IGSF10: variants seen among roughly 807,000 people sequenced by gnomAD.
IGSF10 encodes immunoglobulin superfamily member 10.
Under a neutral mutation model 128.2 loss-of-function variants are expected in IGSF10, and 126 were observed. That is an observed-to-expected ratio of 0.98 (90% CI 0.85 to 1.14). The LOEUF (loss-of-function observed/expected upper bound fraction) is 1.14, where lower values mean the gene tolerates loss of function less well. Among genes scored for constraint, IGSF10 ranks in the 50% most tolerant of loss-of-function variants. The probability of loss-of-function intolerance (pLI) is 0.00; values close to 1 mark genes in which losing one functional copy is unlikely to be tolerated. For synonymous variants in IGSF10, 1,185 were observed against 1,146.2 expected (o/e 1.03, Z -0.68); for missense variants, 3,295 against 3,149.8 (o/e 1.05, Z -1.10).
rs747210840 is a variant in IGSF10, at chr3:151,444,911, T to A, written c.5062+8A>T. 7.0e-6 allele frequency: 11 copies of A among 1,560,372 alleles called. No individual in the cohort carries two copies. In the Admixed American group the frequency reaches 2.1e-4, roughly 30 times the overall value. On this transcript the variant is annotated splice_region_variant and intron_variant, in intron 6 of 7. Coordinates refer to ENST00000282466, the MANE Select transcript of IGSF10 (RefSeq NM_178822.5). Reference sequence around the variant, plus strand: ...AAAAACTAAGTGTAAAGAAAAAGTTTCACATACCTGATGGGACTCTGGTCC... The same window carrying A: ...AAAAACTAAGTGTAAAGAAAAAGTTACACATACCTGATGGGACTCTGGTCC...
chr3:151,489,215 T>G, the IGSF10 span, among the ~76,000 whole-genome samples: 1 of 151,938 alleles, frequency 6.6e-6, no homozygotes, highest in Non-Finnish European at 1.5e-5. Context: ...CCAACAAATA[T>G]ATGAAAAAAA....
At chr3:151,583,186 T>A in the IGSF10 span, among the ~76,000 whole-genome samples, 159 of 152,110 alleles carry the variant, frequency 1.0e-3, no homozygotes, top group African/African-American at 3.7e-3. Flanking sequence ...TTCTCTTTAT[T>A]ATTTGTTCTT....
the IGSF10 span, among the ~76,000 whole-genome samples, chr3:151,494,302 A>G: frequency 6.6e-6 from 1 of 152,056 alleles, no homozygotes; most frequent in Non-Finnish European, 1.5e-5. Context: ...ATTTTTCAAC[A>G]TCTTCTAAAT....
At chr3:151,548,167 T>C in the IGSF10 span, among the ~76,000 whole-genome samples, 2 of 152,204 alleles carry the variant, frequency 1.3e-5, no homozygotes, top group East Asian at 1.9e-4. Flanking sequence ...GCCTTGTTCA[T>C]GGGGACACTT....
At chr3:151,553,488 A>G in the IGSF10 span, among the ~76,000 whole-genome samples, 3 of 152,088 alleles carry the variant, frequency 2.0e-5, no homozygotes, top group Admixed American at 6.6e-5. Flanking sequence ...GTTTCATACC[A>G]TGTTAAAACA....
the IGSF10 span, among the ~76,000 whole-genome samples, chr3:151,499,176 C>T: frequency 3.9e-5 from 6 of 152,014 alleles, no homozygotes; most frequent in African/African-American, 9.7e-5. Context: ...TTAATCTTGT[C>T]GAGAGCATTG....
the IGSF10 span, among the ~76,000 whole-genome samples, chr3:151,482,776 G>C: frequency 6.6e-6 from 1 of 152,002 alleles, no homozygotes; most frequent in African/African-American, 2.4e-5. Context: ...AAGACAAAAA[G>C]AATTCTAAAA....
the IGSF10 span, among the ~76,000 whole-genome samples, chr3:151,497,802 T>C: frequency 5.3e-5 from 8 of 152,126 alleles, no homozygotes; most frequent in Non-Finnish European, 1.2e-4. Flanking sequence ...ACTCTTCCTA[T>C]CCATGAGCAT....
At chr3:151,557,180 G>T in the IGSF10 span, among the ~76,000 whole-genome samples, 1 of 152,134 alleles carries the variant, frequency 6.6e-6, no homozygotes, top group South Asian at 2.1e-4. Context: ...ACTTGTGCAT[G>T]GGAGTCACAC....
In IGSF10 at chr3:151,436,409, A is replaced by ATTTGT. The variant is rs368968586; in HGVS notation, c.*275_*279dup. On this transcript the variant is annotated 3_prime_UTR_variant, in exon 8 of 8. Coordinates refer to ENST00000282466, the MANE Select transcript of IGSF10 (RefSeq NM_178822.5). ...ACTGAAAAATTCAGGTACATTAGCCATTTGTTATTTTATAGTGAACCGTTT... is the reference window on the plus strand; with the variant it reads ...ACTGAAAAATTCAGGTACATTAGCCATTTGTTTTGTTATTTTATAGTGAACCGTTT... The ATTTGT allele has an allele frequency of 1.1e-5, 3 of 262,444 alleles. No individual in the cohort carries two copies. The highest frequency in any genetic ancestry group is 2.9e-3 in the Middle Eastern group (2 of 698). 16.3% of individuals were successfully genotyped at this position (262,444 alleles called of 1,614,324 possible).
At chr3:151,451,487 A>G (rs957423778) in intron 5 of IGSF10, among the ~76,000 whole-genome samples, 10 of 152,228 alleles carry the variant, frequency 6.6e-5, no homozygotes, top group Admixed American at 1.3e-4. Context: ...AGGAAAGATC[A>G]GCAGAAGGAA....
At chr3:151,524,655 A>G in the IGSF10 span, among the ~76,000 whole-genome samples, 2 of 152,268 alleles carry the variant, frequency 1.3e-5, no homozygotes, top group South Asian at 4.1e-4. Context: ...GAGGGAGAGG[A>G]ACAGAGAAGA....
At chr3:151,547,414 A>G in the IGSF10 span, among the ~76,000 whole-genome samples, 1 of 98,774 alleles carries the variant, frequency 1.0e-5, no homozygotes, top group African/African-American at 4.4e-5. Flanking sequence ...TCCATATATT[A>G]TATAAATATA....
the IGSF10 span, among the ~76,000 whole-genome samples, chr3:151,575,329 A>G: frequency 0.058 from 8,826 of 152,208 alleles, 518 homozygotes; most frequent in African/African-American, 0.15. Flanking sequence ...TGCCCCTAGA[A>G]GTGGAGTCTA....
the IGSF10 span, among the ~76,000 whole-genome samples, chr3:151,536,222 G>T: frequency 5.3e-5 from 8 of 152,156 alleles, no homozygotes; most frequent in Non-Finnish European, 8.8e-5. Context: ...TCAAAGTCTG[G>T]ATACTTCAAG....
chr3:151,595,010 A>G, the IGSF10 span, among the ~76,000 whole-genome samples: 14 of 152,216 alleles, frequency 9.2e-5, no homozygotes, highest in Non-Finnish European at 1.2e-4. Flanking sequence ...GGTATATGAA[A>G]ATGTACTCAA....
In IGSF10 at chr3:151,438,280, C is replaced by G; in HGVS notation, c.6281G>C (p.Arg2094Thr). The change falls in exon 8 of 8, where the codon AGG becomes ACG. Residue 2094 changes from arginine to threonine, a missense_variant. Arg to Thr is a moderately conservative substitution (Grantham distance 71). Transcript: ENST00000282466. ...TCCATTGTTGAAAAGGGTATATCTCCTAGTCCTGTGGCCACTGTCATCGGC... is the reference window on the plus strand; with the variant it reads ...TCCATTGTTGAAAAGGGTATATCTCGTAGTCCTGTGGCCACTGTCATCGGC... ...MQADDSGHRT[R>T]RYTLFNNGTL... The G allele has an allele frequency of 6.2e-7, 1 of 1,614,194 alleles. No homozygotes were observed. The highest frequency in any genetic ancestry group is 8.5e-7 in the Non-Finnish European group (1 of 1,180,024).
At chr3:151,591,255 A>G in the IGSF10 span, among the ~76,000 whole-genome samples, 12 of 151,898 alleles carry the variant, frequency 7.9e-5, no homozygotes, top group African/African-American at 2.9e-4. Flanking sequence ...AAAAAGTGGG[A>G]AAACATTAAT....
rs767768879 is a variant in IGSF10 at position 151,443,795 on chromosome 3, G to C, written c.5152C>G (p.Arg1718Gly). 1 of 1,614,020 alleles carries C rather than the reference G, an allele frequency of 6.2e-7. No homozygotes were observed. The highest frequency in any genetic ancestry group is 1.1e-5 in the South Asian group (1 of 91,074). Residue 1718 changes from arginine to glycine, a missense_variant, in exon 7 of 8, where the codon CGC becomes GGC. Transcript: ENST00000282466. ...GATGCGGAACACAAGTACTGTCCGC[G>C]GTCCTGAATTTCCACCCTCTGGATG... ...LSIQRVEIQD[R>G]GQYLCSASNL... is the part of the protein sequence containing the mutation.
Sources: allele counts gnomAD v4.1 joint callset (sites outside exome capture counted in the v4.1 genomes callset), GRCh38; gene constraint gnomAD v4.1.1; transcripts MANE v1.5; gene names NCBI Gene and HGNC (gene_info 2026-07-23, HGNC 2026-07-21).